DOCK4: variants seen among roughly 807,000 people sequenced by gnomAD.
The protein encoded by DOCK4 is dedicator of cytokinesis protein 4.
DOCK4 carries 97 observed loss-of-function variants against 268.1 expected under a neutral mutation model. The ratio of observed to expected loss-of-function variants is 0.36; its 90% CI spans 0.31 to 0.43. DOCK4 has a LOEUF of 0.43. Ranked by LOEUF, DOCK4 falls within the 20% of genes least tolerant of loss-of-function variation. DOCK4 has a pLI of 1.00. For synonymous variants in DOCK4, 954 were observed against 887.2 expected (o/e 1.08, Z -1.34); for missense variants, 2,145 against 2,455.7 (o/e 0.87, Z 2.67).
intron 1 of DOCK4, among the ~76,000 whole-genome samples, chr7:112,203,415 G>A (rs772558712): frequency 1.7e-4 from 26 of 151,966 alleles, no homozygotes; most frequent in Non-Finnish European, 2.9e-4. Flanking sequence ...TTCCATCTCC[G>A]ATACATTTAA....
At chr7:111,915,755 A>G (rs1274858529) in intron 13 of DOCK4, 24 bp downstream of exon 13, 2 of 1,609,874 alleles carry the variant, frequency 1.2e-6, no homozygotes, top group South Asian at 2.2e-5. Context: ...ATTTCATCAT[A>G]TCGGTACGTC....
chr7:112,080,171 G>A (rs1586781293), intron 1 of DOCK4, among the ~76,000 whole-genome samples: 2 of 152,204 alleles, frequency 1.3e-5, no homozygotes, highest in Admixed American at 1.3e-4. Context: ...TTTCTTAAAA[G>A]GAGGGTTGCC....
At chr7:111,943,622 C>A (rs1421861951) in intron 10 of DOCK4, among the ~76,000 whole-genome samples, 3 of 152,212 alleles carry the variant, frequency 2.0e-5, no homozygotes, top group Non-Finnish European at 4.4e-5. Context: ...AAGAAAACAG[C>A]AGCATGGGTT....
chr7:111,758,485 C>A, intron 41 of DOCK4, 139 bp downstream of exon 41: 3 of 985,016 alleles, frequency 3.0e-6, no homozygotes, highest in Non-Finnish European at 4.5e-6. Flanking sequence ...GCTGCAGAAC[C>A]ACTAGACTAA....
intron 23 of DOCK4, among the ~76,000 whole-genome samples, chr7:111,857,098 C>T (rs547495784): frequency 1.8e-4 from 28 of 152,248 alleles, no homozygotes; most frequent in African/African-American, 6.5e-4. Flanking sequence ...CAACACTAAA[C>T]TACACTTTAT....
At chr7:111,765,629 T>A (rs1797716673) in intron 38 of DOCK4, among the ~76,000 whole-genome samples, 2 of 152,216 alleles carry the variant, frequency 1.3e-5, no homozygotes, top group South Asian at 4.1e-4. Flanking sequence ...GCAAAACTTT[T>A]CTAGAGAATT....
rs983954644 is a variant in DOCK4 at position 111,980,659 on chromosome 7, A to T, written c.550-3376T>A. On this transcript the variant is annotated intron_variant, in intron 7 of 52. Coordinates refer to ENST00000428084, the MANE Select transcript of DOCK4 (RefSeq NM_001363540.2). ...TGTAGGACATCTAGCAGCTTTTCCT[A>T]GCCTCTACCTACCAGATGCCAATAG... is the stretch of plus-strand genomic sequence containing the variant. 3.3e-5 allele frequency among the ~76,000 whole-genome samples: 5 copies of T among 152,158 alleles called. No homozygotes were observed. In the South Asian group the frequency reaches 1.0e-3, roughly 32 times the overall value.
intron 1 of DOCK4, among the ~76,000 whole-genome samples, chr7:112,053,021 T>G (rs1254496252): frequency 6.6e-6 from 1 of 152,200 alleles, no homozygotes; most frequent in African/African-American, 2.4e-5. Context: ...ATGCTAAATT[T>G]TCCCTTACCC....
intron 41 of DOCK4, among the ~76,000 whole-genome samples, chr7:111,756,134 G>A (rs1018028479): frequency 3.9e-5 from 6 of 152,122 alleles, no homozygotes; most frequent in Non-Finnish European, 7.3e-5. Flanking sequence ...AGATCATGAG[G>A]TCAGGAGATC....
rs869052136 is a variant in DOCK4 at position 111,762,762 on chromosome 7, C to CTTTTTTTTTTTTTTTTTTTTT, written c.4020+2335_4020+2355dup. 1.6e-3 allele frequency among the ~76,000 whole-genome samples: 98 copies of CTTTTTTTTTTTTTTTTTTTTT among 63,064 alleles called. 7 individuals are homozygous for CTTTTTTTTTTTTTTTTTTTTT. The highest frequency in any genetic ancestry group is 2.7e-3 in the South Asian group (3 of 1,132). 41.4% of individuals were successfully genotyped at this position (63,064 alleles called of 152,430 possible). On this transcript the variant is annotated intron_variant, in intron 39 of 52. Transcript: ENST00000428084. Reference sequence around the variant, plus strand: ...TAAATAACCCATTTTGTTTTGTTTTCTTTTTTTTTTTTTTTTTTTTTTTTG... The same window carrying CTTTTTTTTTTTTTTTTTTTTT: ...TAAATAACCCATTTTGTTTTGTTTTCTTTTTTTTTTTTTTTTTTTTTTTTTTTTTTTTTTTTTTTTTTTTTG...
At chr7:111,874,955 T>C (rs1330347957) in intron 17 of DOCK4, among the ~76,000 whole-genome samples, 1 of 152,234 alleles carries the variant, frequency 6.6e-6, no homozygotes, top group Non-Finnish European at 1.5e-5. Flanking sequence ...ATAAGATTTG[T>C]ATATTTTCCA....
At chr7:111,933,286 A>G (rs1254184305) in intron 12 of DOCK4, among the ~76,000 whole-genome samples, 5 of 120,522 alleles carry the variant, frequency 4.1e-5, no homozygotes, top group Non-Finnish European at 5.1e-5. Flanking sequence ...ATACATATAT[A>G]TATATATATA....
intron 8 of DOCK4, among the ~76,000 whole-genome samples, chr7:111,963,451 C>A (rs1386797636): frequency 9.1e-6 from 1 of 110,458 alleles, no homozygotes; most frequent in Non-Finnish European, 1.7e-5. Context: ...GTGACTGACG[C>A]ACCTGGAAAA....
intron 23 of DOCK4, among the ~76,000 whole-genome samples, chr7:111,851,415 A>T (rs1804538568): frequency 6.8e-6 from 1 of 146,212 alleles, no homozygotes; most frequent in African/African-American, 2.6e-5. Context: ...ACTGCACTCC[A>T]GCCTGGGAGA....
chr7:111,796,559 T>A (rs1799908478), intron 30 of DOCK4, among the ~76,000 whole-genome samples: 1 of 152,252 alleles, frequency 6.6e-6, no homozygotes, highest in Admixed American at 6.5e-5. Context: ...GCCATTTGGT[T>A]TCTACGTTCT....
At chr7:111,791,457 GTTTTT>G (rs934150073) in intron 30 of DOCK4, among the ~76,000 whole-genome samples, 2 of 145,244 alleles carry the variant, frequency 1.4e-5, no homozygotes, top group African/African-American at 2.5e-5. Context: ...TGTTTTTTTT[GTTTTT>G]TTTTTGACAT....
chr7:112,079,340 C>G (rs1210890751), intron 1 of DOCK4, among the ~76,000 whole-genome samples: 1 of 152,172 alleles, frequency 6.6e-6, no homozygotes, highest in East Asian at 1.9e-4. Context: ...AAAGGTCAAC[C>G]TGAGCCAACT....
chr7:112,195,637 C>G (rs538303542), intron 1 of DOCK4, among the ~76,000 whole-genome samples: 82 of 151,970 alleles, frequency 5.4e-4, no homozygotes, highest in Admixed American at 1.6e-3. Flanking sequence ...TACATGCATC[C>G]CCACGTTCCC....
At chr7:111,863,064 C>T (rs918878883) in intron 23 of DOCK4, 1 of 284,426 alleles carries the variant, frequency 3.5e-6, no homozygotes, top group Non-Finnish European at 6.7e-6. Context: ...TGATGAAAAA[C>T]TTTTAAAAAC....
Sources: allele counts gnomAD v4.1 joint callset (sites outside exome capture counted in the v4.1 genomes callset), GRCh38; gene constraint gnomAD v4.1.1; transcripts MANE v1.5; gene names NCBI Gene and HGNC (gene_info 2026-07-23, HGNC 2026-07-21).